ROCK2: variants seen among roughly 807,000 people sequenced by gnomAD.
ROCK2 encodes the protein rho-associated protein kinase 2.
ROCK2 carries 61 observed loss-of-function variants against 195.1 expected under a neutral mutation model. That is an observed-to-expected ratio of 0.31 (90% confidence interval 0.25 to 0.39). ROCK2 has a LOEUF of 0.39. ROCK2 is among the 10% of genes least tolerant of loss of function. ROCK2 has a pLI of 1.00. For synonymous variants in ROCK2, 504 were observed against 545.5 expected, an observed-to-expected ratio of 0.92 and a Z score of 1.06; for missense variants, 1,109 against 1,637.4, an observed-to-expected ratio of 0.68 and a Z score of 5.57.
intron 1 of ROCK2, among the ~76,000 whole-genome samples, chr2:11,294,808 T>C (rs1335799260): frequency 2.6e-5 from 4 of 152,002 alleles, no homozygotes; most frequent in African/African-American, 9.7e-5. Flanking sequence ...GACAGAGCCT[T>C]GCTCTGTTGC....
At position 11,202,138 on chromosome 2, in the gene ROCK2, T is replaced by G. The variant is rs1444734887; in HGVS notation, c.2550-17A>C. The G allele has an allele frequency of 6.2e-7, 1 of 1,602,902 alleles. No homozygotes were observed. Among genetic ancestry groups the G allele is most frequent in the East Asian group, 2.2e-5 (1 of 44,824 alleles). On this transcript the variant is annotated splice_polypyrimidine_tract_variant and intron_variant, in intron 20 of 32. Coordinates refer to ENST00000315872, the MANE Select transcript of ROCK2 (RefSeq NM_004850.5). ...TGACGTTCTCTGTGAGGACAATGAA[T>G]CAAAGGTTTAAATAACTTACACATA... is the stretch of plus-strand genomic sequence containing the variant.
chr2:11,287,404 G>C (rs540762756), intron 2 of ROCK2, among the ~76,000 whole-genome samples: 1 of 152,138 alleles, frequency 6.6e-6, no homozygotes, highest in South Asian at 2.1e-4. Flanking sequence ...TAAATAACCT[G>C]TCCTAAAATA....
chr2:11,306,861 T>C (rs192705560), intron 1 of ROCK2, among the ~76,000 whole-genome samples: 118 of 152,142 alleles, frequency 7.8e-4, no homozygotes, highest in Admixed American at 3.9e-3. Context: ...ATGTGGGAAA[T>C]ACAGTATAAA....
intron 3 of ROCK2, among the ~76,000 whole-genome samples, chr2:11,278,449 T>C (rs1212003944): frequency 1.3e-5 from 2 of 152,254 alleles, no homozygotes; most frequent in Non-Finnish European, 2.9e-5. Context: ...TACCATATTA[T>C]CTTTCTTTAT....
Position 11,198,694 on chromosome 2 carries a change from T to G in ROCK2, c.2991A>C (p.Lys997Asn), listed in dbSNP as rs1352070438. 6.2e-7 allele frequency: 1 copy of G among 1,606,812 alleles called. No homozygotes were observed. Among genetic ancestry groups the G allele is most frequent in the South Asian group, 1.1e-5 (1 of 89,898 alleles). Residue 997 changes from lysine to asparagine, a missense_variant, in exon 24 of 33, where the codon AAA becomes AAC. Lys to Asn is a moderately conservative substitution (Grantham distance 94, BLOSUM62 0). Around this residue, in one of 6 missense-constraint regions of ROCK2, gnomAD observed 542 missense variants for 672.0 expected, o/e 0.81. Transcript: ENST00000315872. ...NEKEELNNKL[K>N]DVQEQLSRLK... is the part of the protein sequence containing the mutation. ...GTTAATACATACGCTCTTGAACATC[T>G]TTCAATTTGTTATTTAATTCTTCTT...
intron 3 of ROCK2, among the ~76,000 whole-genome samples, chr2:11,262,374 T>TA (rs1558337729): frequency 2.0e-5 from 3 of 152,004 alleles, no homozygotes; most frequent in African/African-American, 4.8e-5. Context: ...ATGTAGAGCT[T>TA]AAAAAAAACT....
At chr2:11,291,673 T>C (rs1425675761) in intron 1 of ROCK2, among the ~76,000 whole-genome samples, 3 of 152,226 alleles carry the variant, frequency 2.0e-5, no homozygotes, top group African/African-American at 7.2e-5. Flanking sequence ...ATGATGGAGA[T>C]ACCCTCTTAG....
At chr2:11,341,436 T>C (rs1216653160) in intron 1 of ROCK2, among the ~76,000 whole-genome samples, 1 of 152,210 alleles carries the variant, frequency 6.6e-6, no homozygotes, top group Non-Finnish European at 1.5e-5. Context: ...GTGAACTAAA[T>C]TTAATGAGCA....
chr2:11,310,641 A>G (rs1411224555), intron 1 of ROCK2, among the ~76,000 whole-genome samples: 1 of 152,160 alleles, frequency 6.6e-6, no homozygotes, highest in Non-Finnish European at 1.5e-5. Context: ...CATGCTCAAC[A>G]TTACTTACTA....
At chr2:11,291,103 C>T (rs556314740) in intron 1 of ROCK2, among the ~76,000 whole-genome samples, 1 of 152,230 alleles carries the variant, frequency 6.6e-6, no homozygotes, top group East Asian at 1.9e-4. Context: ...ACCCAGTTTC[C>T]CCTACTATAA....
chr2:11,181,499 A>C lies in ROCK2; in HGVS notation c.*1938T>G, dbSNP rs1483093119. 1 of 152,044 alleles carries C rather than the reference A, an allele frequency of 6.6e-6. No homozygotes were observed. The highest frequency in any genetic ancestry group is 1.5e-5 in the Non-Finnish European group (1 of 68,034). The allele number at this position is 152,044 out of a possible 1,614,324, so 9.4% of individuals were successfully genotyped here. A position where few individuals can be genotyped will look rare whatever the true frequency, so the allele number is the denominator to read the frequency against. ...ATAACAAAACCAGTTTCAGTCTATC[A>C]GTAGGCCAGTAGCTACTCTTCAGTT... On this transcript the variant is annotated 3_prime_UTR_variant, in exon 33 of 33. Transcript: ENST00000315872.
intron 5 of ROCK2, chr2:11,234,159 T>C (rs2148101788): frequency 6.6e-6 from 1 of 152,226 alleles, no homozygotes; most frequent in Admixed American, 6.5e-5. Context: ...AATTAGGCCA[T>C]GTTTTACTTT....
At chr2:11,196,156 T>G (rs998327534) in intron 27 of ROCK2, among the ~76,000 whole-genome samples, 6 of 152,308 alleles carry the variant, frequency 3.9e-5, no homozygotes, top group Middle Eastern at 6.8e-3. Context: ...ACTGCAGTCT[T>G]GAAAGATCAC....
At position 11,344,116 on chromosome 2, in the gene ROCK2, C is replaced by G; in HGVS notation, c.21G>C (p.Thr7=). The part of the protein sequence containing the change: MSRPPP[T]GKMPGAPETA... ...TCTCGGGGGCGCCGGGCATTTTCCC[C>G]GTCGGCGGGGGCCGGCTCATGCCGC... Residue 7 remains threonine (T), a synonymous_variant, in exon 1 of 33, where the codon ACG becomes ACC. Coordinates refer to ENST00000315872, the MANE Select transcript of ROCK2 (RefSeq NM_004850.5). The surrounding 1 kb of genome is among the most constrained non-coding windows in gnomAD (Gnocchi z 5.4). The G allele has an allele frequency of 6.7e-7, 1 of 1,489,236 alleles. No homozygotes were observed. Among genetic ancestry groups the G allele is most frequent in the Non-Finnish European group, 8.9e-7 (1 of 1,126,930 alleles). The allele number at this position is 1,489,236 out of a possible 1,614,324, so 92.3% of individuals were successfully genotyped here.
At chr2:11,306,926 T>A (rs974485755) in intron 1 of ROCK2, among the ~76,000 whole-genome samples, 1 of 152,040 alleles carries the variant, frequency 6.6e-6, no homozygotes, top group Non-Finnish European at 1.5e-5. Flanking sequence ...TTGAAAAATA[T>A]GGGAAGATAC....
chr2:11,299,881 CTTT>C (rs201172769), intron 1 of ROCK2, among the ~76,000 whole-genome samples: 1,566 of 152,244 alleles, frequency 0.01, 17 homozygotes, highest in Non-Finnish European at 0.013. Context: ...TCTCAGGAAA[CTTT>C]TTTAAGTAAA....
intron 1 of ROCK2, among the ~76,000 whole-genome samples, chr2:11,338,097 G>A (rs192133275): frequency 2.2e-4 from 34 of 152,122 alleles, no homozygotes; most frequent in Middle Eastern, 3.4e-3. Context: ...CTAATCCAAC[G>A]TTTTCAGGGG....
At chr2:11,287,615 TAG>T (rs1377658104) in intron 2 of ROCK2, 38 bp downstream of exon 2, 3 of 574,046 alleles carry the variant, frequency 5.2e-6, no homozygotes, top group East Asian at 3.3e-5. Flanking sequence ...TTATCAAAAG[TAG>T]AGTTATAAGA....
Position 11,197,126 on chromosome 2 carries a change from C to T in ROCK2, c.3448+54G>A, listed in dbSNP as rs886269183. The T allele has an allele frequency of 1.4e-5, 19 of 1,318,340 alleles. No individual in the cohort carries two copies. The Admixed American group carries it at 1.5e-4, about 10-fold the overall frequency. 81.7% of individuals were successfully genotyped at this position (1,318,340 alleles called of 1,614,324 possible). On this transcript the variant is annotated intron_variant, in intron 27 of 32. Coordinates refer to ENST00000315872, the MANE Select transcript of ROCK2 (RefSeq NM_004850.5). This position sits in a 1 kb window ranked among gnomAD's most constrained non-coding sequence, Gnocchi z 4.9. ...GAGCAGTCAGTCGCAAGACTTAAAA[C>T]AATCAACTGATTTATATTTAAGATA...
Sources: gnomAD v4.1 joint callset for allele counts (sites outside exome capture counted in the v4.1 genomes callset) on GRCh38, gnomAD v4.1.1 for gene constraint, gnomAD v4.1.1 regional missense constraint, Gnocchi (gnomAD v3.1) non-coding constraint, MANE v1.5 for transcripts, NCBI Gene and HGNC (gene_info 2026-07-23, HGNC 2026-07-21) for gene names.